The following YES1 variants were observed in gnomAD, a reference collection of about 807,000 sequenced individuals.
YES1 encodes YES proto-oncogene 1, Src family tyrosine kinase.
YES1 carries 39 observed loss-of-function variants against 70.4 expected under a neutral mutation model. That is an observed-to-expected ratio of 0.55 (90% CI 0.43 to 0.72). YES1 has a LOEUF of 0.72. Among genes scored for constraint, YES1 ranks in the 30% least tolerant of loss-of-function variants. YES1 has a pLI of 0.00. For missense variants in YES1, 495 were observed against 644.8 expected, an observed-to-expected ratio of 0.77 and a Z score of 2.52; for synonymous variants, 198 against 218.6, an observed-to-expected ratio of 0.91 and a Z score of 0.83.
At chr18:771,770 A>G (rs1905167767) in intron 1 of YES1, among the ~76,000 whole-genome samples, 1 of 151,636 alleles carries the variant, frequency 6.6e-6, no homozygotes, top group Admixed American at 6.6e-5. Context: ...GGCTGGGCAC[A>G]GGGATCCCCA....
chr18:791,884 G>A (rs147081257), intron 1 of YES1, among the ~76,000 whole-genome samples: 2,472 of 151,844 alleles, frequency 0.016, 59 homozygotes, highest in African/African-American at 0.057. Context: ...GTGAAACCCC[G>A]CCTCTACTAA....
intron 1 of YES1, among the ~76,000 whole-genome samples, chr18:768,813 G>A (rs1040518088): frequency 1.3e-5 from 2 of 151,808 alleles, no homozygotes; most frequent in East Asian, 1.9e-4. Context: ...AGAGATTCTC[G>A]TGCCTCAGCC....
rs2079990819 is a variant in YES1 at position 724,185 on chromosome 18, T to C, written c.*239A>G. The C allele has an allele frequency of 2.1e-6, 1 of 470,546 alleles. No homozygotes were observed. The allele number at this position is 470,546 out of a possible 1,614,324, so 29.1% of individuals were successfully genotyped here. A position where few individuals can be genotyped will look rare whatever the true frequency, so the allele number is the denominator to read the frequency against. On this transcript the variant is annotated 3_prime_UTR_variant, in exon 12 of 12. Coordinates refer to ENST00000314574, the MANE Select transcript of YES1 (RefSeq NM_005433.4). ...TACCATGCTGTCACCCACACTGTCA[T>C]CAGTATCTTAGCTCTATTTTGTTTG...
rs1472383496 is a variant in YES1 at position 723,382 on chromosome 18, G to A, written c.*1042C>T. On this transcript the variant is annotated 3_prime_UTR_variant, in exon 12 of 12. Transcript: ENST00000314574. ...ACATTACCTTCCATCCCTCTAACTT[G>A]TAAAACTTTCACTTTCTTTTCTCGT... 1 of 110,852 alleles carries A rather than the reference G, an allele frequency of 9.0e-6. No individual in the cohort carries two copies. Among genetic ancestry groups the A allele is most frequent in the South Asian group, 2.9e-4 (1 of 3,484 alleles). 6.9% of individuals were successfully genotyped at this position (110,852 alleles called of 1,614,324 possible).
intron 1 of YES1, among the ~76,000 whole-genome samples, chr18:811,352 A>C (rs1333090384): frequency 6.6e-6 from 1 of 152,180 alleles, no homozygotes; most frequent in Non-Finnish European, 1.5e-5. Context: ...TTACAAAACA[A>C]AAACTAAAGT....
chr18:750,641 C>T (rs902588877), intron 3 of YES1, among the ~76,000 whole-genome samples: 2 of 152,132 alleles, frequency 1.3e-5, no homozygotes, highest in African/African-American at 4.8e-5. Flanking sequence ...AATGTGATGA[C>T]AGCTATGATT....
At chr18:728,760 G>A (rs867639521) in intron 11 of YES1, among the ~76,000 whole-genome samples, 12 of 152,132 alleles carry the variant, frequency 7.9e-5, no homozygotes, top group African/African-American at 2.2e-4. Context: ...CCCTGACCTC[G>A]TGATCCACTG....
intron 1 of YES1, among the ~76,000 whole-genome samples, chr18:807,331 CAA>C (rs34717750): frequency 0.097 from 12,116 of 125,440 alleles, 649 homozygotes; most frequent in East Asian, 0.28. Context: ...GATACTTCAT[CAA>C]AAAAAAAAAA....
intron 3 of YES1, among the ~76,000 whole-genome samples, chr18:748,605 C>A (rs1485723529): frequency 6.6e-6 from 1 of 152,140 alleles, no homozygotes; most frequent in African/African-American, 2.4e-5. Flanking sequence ...GATATGCCCA[C>A]TGCATGCACC....
rs1383066237 is a variant in YES1 at position 723,703 on chromosome 18, T to TA, written c.*720dup. On this transcript the variant is annotated 3_prime_UTR_variant, in exon 12 of 12. Transcript: ENST00000314574. Reference sequence around the variant, plus strand: ...ATACAAGATTAACTCACTTTCTAGTTACCTTCATTATTCTAAGTCAAACTC... The same window carrying TA: ...ATACAAGATTAACTCACTTTCTAGTTAACCTTCATTATTCTAAGTCAAACTC... 1.3e-5 allele frequency: 2 copies of TA among 152,672 alleles called. No homozygotes were observed. Among genetic ancestry groups the TA allele is most frequent in the Admixed American group, 1.3e-4 (2 of 15,284 alleles). 9.5% of individuals were successfully genotyped at this position (152,672 alleles called of 1,614,324 possible).
chr18:811,895 G>A (rs759261504), intron 1 of YES1, among the ~76,000 whole-genome samples: 12 of 152,294 alleles, frequency 7.9e-5, no homozygotes, highest in Non-Finnish European at 1.3e-4. Context: ...TCTGGACAGG[G>A]CAGAGACCGA....
In YES1 at chr18:756,845, CAA is replaced by C. The variant is rs776791950; in HGVS notation, c.-8-12_-8-11del. The C allele has an allele frequency of 8.1e-6, 13 of 1,603,346 alleles. No individual in the cohort carries two copies. The highest frequency in any genetic ancestry group is 1.1e-5 in the Non-Finnish European group (13 of 1,174,250). On this transcript the variant is annotated splice_polypyrimidine_tract_variant and intron_variant, in intron 1 of 11. Transcript: ENST00000314574. The stretch of plus-strand genomic sequence containing the variant: ...CAGCCCATTATCAAATCTACAGAGA[CAA>C]TAAAATATTTTGAGAGTCAGTTAAC...
At chr18:810,310 T>A (rs1426795636) in intron 1 of YES1, among the ~76,000 whole-genome samples, 2 of 152,168 alleles carry the variant, frequency 1.3e-5, no homozygotes, top group African/African-American at 4.8e-5. Context: ...TGAAGAAATT[T>A]TACTTGCATA....
intron 2 of YES1, among the ~76,000 whole-genome samples, chr18:754,393 G>A (rs2080379443): frequency 6.6e-6 from 1 of 152,030 alleles, no homozygotes; most frequent in African/African-American, 2.4e-5. Context: ...GCACATAGGT[G>A]GGTCATTCTC....
chr18:727,164 T>C (rs1173537581), intron 11 of YES1, among the ~76,000 whole-genome samples: 3 of 152,198 alleles, frequency 2.0e-5, no homozygotes, highest in African/African-American at 4.8e-5. Flanking sequence ...TGAAGCTATG[T>C]AGTTACATAG....
At chr18:733,962 C>T (rs550798469) in intron 10 of YES1, among the ~76,000 whole-genome samples, 1 of 152,262 alleles carries the variant, frequency 6.6e-6, no homozygotes, top group East Asian at 1.9e-4. Context: ...TTCCTTGGCA[C>T]CATTACAAAA....
chr18:732,435 T>TAAA lies in YES1; in HGVS notation c.1423+396_1423+398dup, dbSNP rs11460599. ...CTGGGTGACAGAGCAAGACTGTGTT[T>TAAA]AAAAAAAAAAAAAAAAAAAAAACAA... On this transcript the variant is annotated intron_variant, in intron 11 of 11. Transcript: ENST00000314574. Among the ~76,000 whole-genome samples, 128 of 90,378 alleles carry TAAA rather than the reference T, an allele frequency of 1.4e-3. 1 individual carries two copies. The highest frequency in any genetic ancestry group is 2.1e-3 in the South Asian group (5 of 2,432). The allele number at this position is 90,378 out of a possible 152,430, so 59.3% of individuals were successfully genotyped here. A position where few individuals can be genotyped will look rare whatever the true frequency, so the allele number is the denominator to read the frequency against.
intron 11 of YES1, among the ~76,000 whole-genome samples, chr18:727,495 T>C (rs1010594385): frequency 2.0e-5 from 3 of 152,178 alleles, no homozygotes; most frequent in African/African-American, 7.2e-5. Flanking sequence ...ATCCTGATCT[T>C]TGTTCCATCT....
intron 1 of YES1, among the ~76,000 whole-genome samples, chr18:787,274 A>G (rs955898863): frequency 6.6e-6 from 1 of 150,562 alleles, no homozygotes; most frequent in African/African-American, 2.4e-5. Context: ...TAATTTTTGT[A>G]TTTTTAGTAG....
Sources: allele counts gnomAD v4.1 joint callset (sites outside exome capture counted in the v4.1 genomes callset), GRCh38; gene constraint gnomAD v4.1.1; transcripts MANE v1.5; gene names NCBI Gene and HGNC (gene_info 2026-07-23, HGNC 2026-07-21).